Variants in AHNAK2 observed in about 807,000 individuals in gnomAD.
AHNAK2 encodes the protein protein AHNAK2.
Under a neutral mutation model 30.7 loss-of-function variants are expected in AHNAK2, and 18 were observed. The observed-to-expected ratio is 0.59, with a 90% CI of 0.41 to 0.87. AHNAK2 has a LOEUF of 0.87. Among genes scored for constraint, AHNAK2 ranks in the 40% least tolerant of loss-of-function variants. The probability of loss-of-function intolerance (pLI) is 0.00; values close to 1 mark genes in which losing one functional copy is unlikely to be tolerated. For synonymous variants in AHNAK2, 3,590 were observed against 3,073.8 expected (o/e 1.17, Z -5.56); for missense variants, 8,604 against 7,373.0 (o/e 1.17, Z -6.11).
At position 104,948,039 on chromosome 14, in the gene AHNAK2, A is replaced by C; in HGVS notation, c.7412T>G (p.Val2471Gly). 3 of 1,612,528 alleles carry C rather than the reference A, an allele frequency of 1.9e-6. No individual in the cohort carries two copies. In the African/African-American group the frequency reaches 4.0e-5, roughly 22 times the overall value. Residue 2471 changes from valine (V) to glycine (G), a missense_variant, in exon 7 of 7, where the codon GTG (valine) becomes GGG (glycine). Val to Gly is a moderately radical substitution (Grantham distance 109, BLOSUM62 -3). Coordinates refer to ENST00000333244, the MANE Select transcript of AHNAK2 (RefSeq NM_138420.4). ...DGAWLEGDLS[V>G]ADKDVTTKDS... ...TTTGGTAGTCACATCCTTGTCCGCCACAGACAGGTCCCCCTCCAGCCACGC... is the reference window on the plus strand; with the variant it reads ...TTTGGTAGTCACATCCTTGTCCGCCCCAGACAGGTCCCCCTCCAGCCACGC...
At position 104,942,545 on chromosome 14, in the gene AHNAK2, C is replaced by G; in HGVS notation, c.12906G>C (p.Lys4302Asn). Residue 4302 changes from lysine (K) to asparagine (N), a missense_variant, in exon 7 of 7, where the codon AAG (lysine) becomes AAC (asparagine). Lys to Asn is a moderately conservative substitution (Grantham distance 94). Coordinates refer to ENST00000333244, the MANE Select transcript of AHNAK2 (RefSeq NM_138420.4). ...TAKDSKFKMP[K>N]FKMPSFGVSA... The stretch of plus-strand genomic sequence containing the variant: ...ACACCCCGAACGACGGCATCTTGAA[C>G]TTGGGCATTTTGAACTTGCTGTCTT... 6.2e-7 allele frequency: 1 copy of G among 1,613,046 alleles called. No homozygotes were observed. Among genetic ancestry groups the G allele is most frequent in the Non-Finnish European group, 8.5e-7 (1 of 1,179,544 alleles).
rs756857966 is a variant in AHNAK2 at position 104,953,753 on chromosome 14, A to C, written c.1698T>G (p.Thr566=). The change falls in exon 7 of 7, where the codon ACT becomes ACG. Residue 566 remains threonine, a synonymous_variant. Transcript: ENST00000333244. ...CTTCCCTGCCCTTGTCCTGTTCCTCAGTGATCCTTGTCCTCTGTAGTCCTT... is the reference window on the plus strand; with the variant it reads ...CTTCCCTGCCCTTGTCCTGTTCCTCCGTGATCCTTGTCCTCTGTAGTCCTT... ...GEEGLQRTRI[T]EEQDKGREDT... 1 of 1,613,840 alleles carries C rather than the reference A, an allele frequency of 6.2e-7. No homozygotes were observed. The highest frequency in any genetic ancestry group is 8.5e-7 in the Non-Finnish European group (1 of 1,179,880).
rs773444922 is a variant in AHNAK2 at position 104,949,315 on chromosome 14, T to C, written c.6136A>G (p.Lys2046Glu). 77 of 1,136,542 alleles carry C rather than the reference T, an allele frequency of 6.8e-5. 16 individuals carry two copies. Among genetic ancestry groups the C allele is most frequent in the East Asian group, 3.6e-4 (16 of 44,066 alleles). The allele number at this position is 1,136,542 out of a possible 1,614,324, so 70.4% of individuals were successfully genotyped here. Residue 2046 changes from lysine (K) to glutamate (E), a missense_variant, in exon 7 of 7, where the codon AAG becomes GAG. Coordinates refer to ENST00000333244, the MANE Select transcript of AHNAK2 (RefSeq NM_138420.4). ...LSIQPPSADL[K>E]VQTGQVDVKL... Reference sequence around the variant, plus strand: ...ACATCCACCTGGCCAGTCTGGACCTTCAGGTCGGCAGAAGGGGGCTGAATG... The same window carrying C: ...ACATCCACCTGGCCAGTCTGGACCTCCAGGTCGGCAGAAGGGGGCTGAATG...
At chr14:104,969,345 G>A (rs1297751834) in intron 1 of AHNAK2, among the ~76,000 whole-genome samples, 1 of 152,202 alleles carries the variant, frequency 6.6e-6, no homozygotes, top group Admixed American at 6.5e-5. Flanking sequence ...CAGCCTCTCC[G>A]TGCCTGCTCT....
chr14:104,944,187 G>T lies in AHNAK2; in HGVS notation c.11264C>A (p.Ala3755Glu), dbSNP rs201313753. The change falls in exon 7 of 7, where the codon GCG becomes GAG. Residue 3755 changes from alanine to glutamate, a missense_variant. Coordinates refer to ENST00000333244, the MANE Select transcript of AHNAK2 (RefSeq NM_138420.4). ...CTCCACATCAGGGGCTGTGACTTCC[G>T]CCTTGGAGACTTTTAGGTCCAGCTT... ...GPKLDLKVSK[A>E]EVTAPDVEVS... The T allele has an allele frequency of 3.7e-6, 6 of 1,610,086 alleles. No individual in the cohort carries two copies. In the African/African-American group the frequency reaches 4.1e-5, roughly 11 times the overall value.
chr14:104,945,137 G>C lies in AHNAK2; in HGVS notation c.10314C>G (p.Ser3438Arg). The change falls in exon 7 of 7, where the codon AGC (serine) becomes AGG (arginine). Residue 3438 changes from serine (S) to arginine (R), a missense_variant. Transcript: ENST00000333244. ...TVPDVEVSLP[S>R]VEVDVQAPRA... Reference sequence around the variant, plus strand: ...TCGGGGCCTGGACGTCCACCTCCACGCTGGGCAGAGACACCTCCACATCAG... The same window carrying C: ...TCGGGGCCTGGACGTCCACCTCCACCCTGGGCAGAGACACCTCCACATCAG... 6.2e-7 allele frequency: 1 copy of C among 1,613,102 alleles called. No individual in the cohort carries two copies. Among genetic ancestry groups the C allele is most frequent in the Non-Finnish European group, 8.5e-7 (1 of 1,179,700 alleles).
At position 104,953,574 on chromosome 14, in the gene AHNAK2, T is replaced by A. The variant is rs749694184; in HGVS notation, c.1877A>T (p.Gln626Leu). The A allele has an allele frequency of 1.1e-5, 18 of 1,613,944 alleles. No homozygotes were observed. In the South Asian group the frequency reaches 1.8e-4, roughly 16 times the overall value. The change falls in exon 7 of 7, where the codon CAG (glutamine) becomes CTG (leucine). Residue 626 changes from glutamine (Q) to leucine (L), a missense_variant. Gln to Leu is a moderately radical substitution (Grantham distance 113, BLOSUM62 -2). Coordinates refer to ENST00000333244, the MANE Select transcript of AHNAK2 (RefSeq NM_138420.4). Reference sequence around the variant, plus strand: ...TTTTAATCCTTCCTCTGTGCGTCTCTGTTCTCTTCTATCAGCTGTTGCTGT... The same window carrying A: ...TTTTAATCCTTCCTCTGTGCGTCTCAGTTCTCTTCTATCAGCTGTTGCTGT... ...EATATADRRE[Q>L]RRTEEGLKDK...
At position 104,949,638 on chromosome 14, in the gene AHNAK2, G is replaced by T; in HGVS notation, c.5813C>A (p.Pro1938His). The stretch of plus-strand genomic sequence containing the variant: ...ATCGGGGGCTGTCACTTCCGCCTTG[G>T]GGCCTTTCAGGTCCAGCTTGGCGCC... ...VKGAKLDLKG[P>H]KAEVTAPDVE... The change falls in exon 7 of 7, where the codon CCC becomes CAC. Residue 1938 changes from proline to histidine, a missense_variant. Coordinates refer to ENST00000333244, the MANE Select transcript of AHNAK2 (RefSeq NM_138420.4). 1 of 1,588,570 alleles carries T rather than the reference G, an allele frequency of 6.3e-7. No homozygotes were observed.
Position 104,950,650 on chromosome 14 carries a change from G to T in AHNAK2, c.4801C>A (p.Pro1601Thr). 1 of 1,585,780 alleles carries T rather than the reference G, an allele frequency of 6.3e-7. No individual in the cohort carries two copies. Among genetic ancestry groups the T allele is most frequent in the South Asian group, 1.1e-5 (1 of 89,682 alleles). Residue 1601 changes from proline to threonine, a missense_variant, in exon 7 of 7, where the codon CCC becomes ACC. Physicochemically the swap from Pro to Thr is conservative, Grantham distance 38. Transcript: ENST00000333244. ...TTGGGGCCTTTCAGGTCCAGCTTGG[G>T]GCCCTTAACATCTATCTGGGGCCCC... ...LKGPQIDVKGPKLDLKGPKVE... is the reference protein window; with the variant it reads ...LKGPQIDVKGTKLDLKGPKVE...
rs577401260 is a variant in AHNAK2, at chr14:104,964,254, T to C, written c.56-6582A>G. 2.0e-5 allele frequency among the ~76,000 whole-genome samples: 3 copies of C among 152,318 alleles called. No individual in the cohort carries two copies. The South Asian group carries it at 6.2e-4, about 32-fold the overall frequency. ...TATATGGAAAGATGGCCAGCATTTC[T>C]AGTCATCTGGGCAATGCTAACAAAA... is the stretch of plus-strand genomic sequence containing the variant. On this transcript the variant is annotated intron_variant, in intron 1 of 6. Coordinates refer to ENST00000333244, the MANE Select transcript of AHNAK2 (RefSeq NM_138420.4).
Position 104,951,985 on chromosome 14 carries a change from C to A in AHNAK2, c.3466G>T (p.Val1156Leu), listed in dbSNP as rs529173876. 77 of 1,612,434 alleles carry A rather than the reference C, an allele frequency of 4.8e-5. No homozygotes were observed. The South Asian group carries it at 4.9e-4, about 10-fold the overall frequency. ...TTGAACCTGCTGTCTTTGGCAGTCA[C>A]ATCCTTGTCGGCCAGGGACAGTTCC... is the stretch of plus-strand genomic sequence containing the variant. ...EGELSLADKDVTAKDSRFKMP... is the reference protein window; with the variant it reads ...EGELSLADKDLTAKDSRFKMP... Residue 1156 changes from valine to leucine, a missense_variant, in exon 7 of 7, where the codon GTG (valine) becomes TTG (leucine). By Grantham distance (32) the Val-to-Leu change is conservative. Coordinates refer to ENST00000333244, the MANE Select transcript of AHNAK2 (RefSeq NM_138420.4).
At chr14:104,961,512 T>TA (rs59059216) in intron 1 of AHNAK2, among the ~76,000 whole-genome samples, 21,883 of 139,724 alleles carry the variant, frequency 0.16, 2,832 homozygotes, top group East Asian at 0.47. Flanking sequence ...GACCCCATCT[T>TA]AAAAAAAAAA....
At chr14:104,956,473 G>T in intron 4 of AHNAK2, 115 bp downstream of exon 4, 1 of 1,044,986 alleles carries the variant, frequency 9.6e-7, no homozygotes, top group Non-Finnish European at 1.5e-6. Context: ...CCCAGGGCAC[G>T]GGGCACACTG....
rs200936018 is a variant in AHNAK2 at position 104,949,415 on chromosome 14, A to G, written c.6036T>C (p.Asp2012=). The G allele has an allele frequency of 8.8e-6, 14 of 1,586,350 alleles. 1 individual carries two copies. The Admixed American group carries it at 1.0e-4, about 12-fold the overall frequency. ...CGGCCTCCACCTTGGGTGCAGGCAC[A>G]TCCACCGAGGCCTCGATGGACCTCC... The part of the protein sequence containing the change: ...APGRSIEASV[D]VPAPKVEADV... Residue 2012 remains aspartate, a synonymous_variant, in exon 7 of 7, where the codon GAT becomes GAC. Coordinates refer to ENST00000333244, the MANE Select transcript of AHNAK2 (RefSeq NM_138420.4).
In AHNAK2 at chr14:104,950,424, G is replaced by A. The variant is rs1369781204; in HGVS notation, c.5027C>T (p.Ser1676Phe). Residue 1676 changes from serine to phenylalanine, a missense_variant, in exon 7 of 7, where the codon TCC (serine) becomes TTC (phenylalanine). Physicochemically the swap from Ser to Phe is radical, Grantham distance 155. Coordinates refer to ENST00000333244, the MANE Select transcript of AHNAK2 (RefSeq NM_138420.4). ...PSFGVSAPGKSIEASVDVSEP... is the reference protein window; with the variant it reads ...PSFGVSAPGKFIEASVDVSEP... Reference sequence around the variant, plus strand: ...AGACACATCCACCGAGGCCTCGATGGACTTGCCTGGGGCCGACACCCCAAA... The same window carrying A: ...AGACACATCCACCGAGGCCTCGATGAACTTGCCTGGGGCCGACACCCCAAA... The A allele has an allele frequency of 6.3e-7, 1 of 1,586,774 alleles. No individual in the cohort carries two copies. Among genetic ancestry groups the A allele is most frequent in the Non-Finnish European group, 8.6e-7 (1 of 1,162,926 alleles).
chr14:104,946,070 C>A lies in AHNAK2; in HGVS notation c.9381G>T (p.Gly3127=), dbSNP rs374653111. ...GAKLDGARLE[G]DLSLADKDVT... is the part of the protein sequence containing the mutation. ...CATCCTTGTCGGCCAGGGACAGGTC[C>A]CCCTCCAGCCGTGCACCATCCAACT... Residue 3127 remains glycine (G), a synonymous_variant, in exon 7 of 7, where the codon GGG becomes GGT. Transcript: ENST00000333244. 362 of 1,605,232 alleles carry A rather than the reference C, an allele frequency of 2.3e-4. 1 individual carries two copies. The highest frequency in any genetic ancestry group is 1.2e-3 in the Middle Eastern group (7 of 5,970).
rs766311534 is a variant in AHNAK2 at position 104,946,135 on chromosome 14, G to C, written c.9316C>G (p.Gln3106Glu). ...DVTAPDVEVSQPGMEVDVEAP... is the reference protein window; with the variant it reads ...DVTAPDVEVSEPGMEVDVEAP... The stretch of plus-strand genomic sequence containing the variant: ...TCGACATCCACCTCCATGCCGGGCT[G>C]AGACACCTCCACGTCGGGGGCCGTC... The change falls in exon 7 of 7, where the codon CAG (glutamine) becomes GAG (glutamate). Residue 3106 changes from glutamine to glutamate, a missense_variant. Physicochemically the swap from Gln to Glu is conservative, Grantham distance 29. Coordinates refer to ENST00000333244, the MANE Select transcript of AHNAK2 (RefSeq NM_138420.4). The C allele has an allele frequency of 1.2e-6, 2 of 1,612,234 alleles. No homozygotes were observed. Among genetic ancestry groups the C allele is most frequent in the African/African-American group, 1.3e-5 (1 of 74,488 alleles).
chr14:104,945,409 G>A lies in AHNAK2; in HGVS notation c.10042C>T (p.Gln3348Ter). The A allele has an allele frequency of 6.2e-7, 1 of 1,613,208 alleles. No homozygotes were observed. Among genetic ancestry groups the A allele is most frequent in the Non-Finnish European group, 8.5e-7 (1 of 1,179,620 alleles). The part of the protein sequence containing the change: ...AEADVSLPSM[Q>*]GDLKTTDLSI... The stretch of plus-strand genomic sequence containing the variant: ...AGGTCAGTGGTCTTGAGGTCCCCCT[G>A]CATGGAGGGGAGGCTCACGTCGGCC... Residue 3348 changes from glutamine (Q) to a stop codon, truncating the protein, a stop_gained, in exon 7 of 7, where the codon CAG becomes TAG. Transcript: ENST00000333244. LOFTEE classifies it low-confidence loss of function (END_TRUNC).
At chr14:104,962,721 C>T (rs1899183683) in intron 1 of AHNAK2, among the ~76,000 whole-genome samples, 1 of 152,138 alleles carries the variant, frequency 6.6e-6, no homozygotes, top group Non-Finnish European at 1.5e-5. Flanking sequence ...GCCACCATGC[C>T]CGGCCAAATT....
Sources: allele counts gnomAD v4.1 joint callset (sites outside exome capture counted in the v4.1 genomes callset), GRCh38; gene constraint gnomAD v4.1.1; transcripts MANE v1.5; gene names NCBI Gene and HGNC (gene_info 2026-07-23, HGNC 2026-07-21).